Variants in SEC14L4 observed in about 807,000 individuals in gnomAD.
SEC14L4 encodes the protein SEC14-like protein 4.
SEC14L4 carries 42 observed loss-of-function variants against 55.1 expected under a neutral mutation model. The observed-to-expected ratio is 0.76, with a 90% CI of 0.60 to 0.99. SEC14L4 has a LOEUF of 0.99. Among genes scored for constraint, SEC14L4 ranks in the 50% least tolerant of loss-of-function variants. The pLI is 0.00. For synonymous variants in SEC14L4, 206 were observed against 206.8 expected (o/e 1.00, Z 0.03); for missense variants, 445 against 512.1 (o/e 0.87, Z 1.27).
Position 30,494,008 on chromosome 22 carries a change from A to C in SEC14L4, c.580+142T>G, listed in dbSNP as rs1441817625. ...GACAGAGGGAGACTCCATCTCAATA[A>C]CTAACTAACCAGAAACCAACCACAC... On this transcript the variant is annotated intron_variant, in intron 7 of 11. Coordinates refer to ENST00000255858, the MANE Select transcript of SEC14L4 (RefSeq NM_174977.4). The C allele has an allele frequency of 6.1e-6, 4 of 659,744 alleles. No individual in the cohort carries two copies. In the Admixed American group the frequency reaches 1.1e-4, roughly 18 times the overall value. 40.9% of individuals were successfully genotyped at this position (659,744 alleles called of 1,614,324 possible).
At chr22:30,494,092 C>A in intron 7 of SEC14L4, 58 bp downstream of exon 7, 1 of 1,294,608 alleles carries the variant, frequency 7.7e-7, no homozygotes, top group East Asian at 2.3e-5. Flanking sequence ...GGCTTACCTA[C>A]TGTACCCCCA....
intron 2 of SEC14L4, among the ~76,000 whole-genome samples, chr22:30,500,754 A>ATTTTTTTT (rs531954470): frequency 0.014 from 1,123 of 79,484 alleles, 145 homozygotes; most frequent in Non-Finnish European, 0.02. Flanking sequence ...TGAGAACAGA[A>ATTTTTTTT]TTTTTTTTTT....
Position 30,490,786 on chromosome 22 carries a change from G to A in SEC14L4, c.1082-540C>T, listed in dbSNP as rs189562782. On this transcript the variant is annotated intron_variant, in intron 11 of 11. Coordinates refer to ENST00000255858, the MANE Select transcript of SEC14L4 (RefSeq NM_174977.4). ...TGGAGAGGTGATATGATCTTTCAGC[G>A]GTCACAGAGCAAGGGAGGGGAGGTA... 2.5e-3 allele frequency among the ~76,000 whole-genome samples: 387 copies of A among 152,274 alleles called. 5 individuals are homozygous for A. Among genetic ancestry groups the A allele is most frequent in the African/African-American group, 8.7e-3 (362 of 41,556 alleles).
Position 30,502,195 on chromosome 22 carries a change from AACAG to A in SEC14L4, c.130+1478_130+1481del, listed in dbSNP as rs567760445. 4.1e-4 allele frequency among the ~76,000 whole-genome samples: 63 copies of A among 152,250 alleles called. 2 individuals carry two copies. In the South Asian group the frequency reaches 5.8e-3, roughly 14 times the overall value. On this transcript the variant is annotated intron_variant, in intron 2 of 11. Coordinates refer to ENST00000255858, the MANE Select transcript of SEC14L4 (RefSeq NM_174977.4). ...TATTGAAAAAAAACAAAAAAACAAA[AACAG>A]ACAGAACAAATCAGAGGAAGAATTA...
At chr22:30,494,536 G>A (rs1476677856) in intron 6 of SEC14L4, among the ~76,000 whole-genome samples, 1 of 152,070 alleles carries the variant, frequency 6.6e-6, no homozygotes, top group Non-Finnish European at 1.5e-5. Context: ...CTGGGCTAAT[G>A]TAAAAATTAT....
chr22:30,495,358 C>T lies in SEC14L4; in HGVS notation c.319G>A (p.Asp107Asn), dbSNP rs746628646. Reference sequence around the variant, plus strand: ...GCTGACAGCAGGAGACCCTTGGGGTCGAGGGACCCAATGATGTTGAAGTAC... The same window carrying T: ...GCTGACAGCAGGAGACCCTTGGGGTTGAGGGACCCAATGATGTTGAAGTAC... ...PVYFNIIGSL[D>N]PKGLLLSASK... is the part of the protein sequence containing the mutation. The change falls in exon 5 of 12, where the codon GAC (aspartate) becomes AAC (asparagine). Residue 107 changes from aspartate (D) to asparagine (N), a missense_variant. By Grantham distance (23) the Asp-to-Asn change is conservative. Coordinates refer to ENST00000255858, the MANE Select transcript of SEC14L4 (RefSeq NM_174977.4). The T allele has an allele frequency of 5.6e-6, 9 of 1,614,034 alleles. No individual in the cohort carries two copies. The highest frequency in any genetic ancestry group is 2.2e-5 in the South Asian group (2 of 91,044).
Position 30,495,625 on chromosome 22 carries a change from CT to C in SEC14L4, c.191del (p.Lys64SerfsTer57), listed in dbSNP as rs1936123456. The C allele has an allele frequency of 5.0e-6, 8 of 1,614,050 alleles. No homozygotes were observed. The highest frequency in any genetic ancestry group is 6.8e-6 in the Non-Finnish European group (8 of 1,180,034). ...TGACAATGTTGTCCAGGTCTTGTTG[CT>C]TCCGGAACTCCATGTGCTGCAGGAA... ...DMLRRHMEFRKQQDLDNIVTW... is the reference protein window; with the variant it reads ...DMLRRHMEFRXQQDLDNIVTW... On this transcript the variant is annotated frameshift_variant, in exon 4 of 12. Coordinates refer to ENST00000255858, the MANE Select transcript of SEC14L4 (RefSeq NM_174977.4). LOFTEE classifies it high-confidence loss of function.
At chr22:30,491,325 T>G in intron 11 of SEC14L4, 1 of 562,162 alleles carries the variant, frequency 1.8e-6, no homozygotes, top group Non-Finnish European at 3.2e-6. Flanking sequence ...CTTAGTCCAG[T>G]GATCCCGGTA....
intron 6 of SEC14L4, 60 bp downstream of exon 6, chr22:30,494,806 C>T: frequency 1.8e-6 from 2 of 1,122,906 alleles, no homozygotes; most frequent in Non-Finnish European, 2.7e-6. Flanking sequence ...CAATTCACAG[C>T]TAGGGCTCAC....
chr22:30,491,718 C>T lies in SEC14L4; in HGVS notation c.936G>A (p.Gly312=), dbSNP rs192252618. The part of the protein sequence containing the change: ...VLRWQFASDG[G]DIGFGVFLKT... ...TCAGGAAAACCCCAAAGCCGATGTCCCCACCATCTGAAGCAAACTGCCACC... is the reference window on the plus strand; with the variant it reads ...TCAGGAAAACCCCAAAGCCGATGTCTCCACCATCTGAAGCAAACTGCCACC... Residue 312 remains glycine, a synonymous_variant, in exon 11 of 12, where the codon GGG becomes GGA. Transcript: ENST00000255858. The T allele has an allele frequency of 5.0e-6, 8 of 1,614,154 alleles. No individual in the cohort carries two copies. The highest frequency in any genetic ancestry group is 2.7e-5 in the African/African-American group (2 of 75,044).
chr22:30,492,609 T>C, intron 7 of SEC14L4, 52 bp from the exon 8 acceptor site: 1 of 1,416,488 alleles, frequency 7.1e-7, no homozygotes, highest in Non-Finnish European at 1.0e-6. Flanking sequence ...GACGTGGGGA[T>C]ACAGAGCCAC....
At chr22:30,495,894 G>C (rs767873291) in intron 3 of SEC14L4, 34 bp downstream of exon 3, 1 of 1,609,466 alleles carries the variant, frequency 6.2e-7, no homozygotes, top group South Asian at 1.1e-5. Context: ...CACAGTGCAT[G>C]GAAGGCAGGG....
intron 1 of SEC14L4, 25 bp downstream of exon 1, chr22:30,505,533 C>T: frequency 6.4e-7 from 1 of 1,555,524 alleles, no homozygotes; most frequent in South Asian, 1.2e-5. Flanking sequence ...CCTCCTCAAG[C>T]CTCCCAGCCC....
At chr22:30,492,378 G>T in intron 8 of SEC14L4, 96 bp downstream of exon 8, 1 of 1,261,258 alleles carries the variant, frequency 7.9e-7, no homozygotes. Context: ...CAGGGGTAGT[G>T]CCCGAGTAGA....
chr22:30,505,527 C>T (rs747785405), intron 1 of SEC14L4, 31 bp downstream of exon 1: 23 of 1,552,844 alleles, frequency 1.5e-5, no homozygotes, highest in Middle Eastern at 3.3e-4. Flanking sequence ...AGGGCCCCTC[C>T]TCAAGCCTCC....
chr22:30,493,083 CAAAAAAAAA>C (rs10593638), intron 7 of SEC14L4, among the ~76,000 whole-genome samples: 1 of 80,454 alleles, frequency 1.2e-5, no homozygotes, highest in East Asian at 5.6e-4. Flanking sequence ...GATTCCATCT[CAAAAAAAAA>C]AAAAAAAAAG....
At chr22:30,493,873 G>A (rs561377195) in intron 7 of SEC14L4, among the ~76,000 whole-genome samples, 113 of 152,170 alleles carry the variant, frequency 7.4e-4, no homozygotes, top group Non-Finnish European at 1.5e-4. Flanking sequence ...GCATGGTGGC[G>A]TGCACCTGTA....
At position 30,501,846 on chromosome 22, in the gene SEC14L4, CATAT is replaced by C. The variant is rs3067218; in HGVS notation, c.130+1827_130+1830del. Among the ~76,000 whole-genome samples, 767 of 111,778 alleles carry C rather than the reference CATAT, an allele frequency of 6.9e-3. 15 individuals carry two copies. The highest frequency in any genetic ancestry group is 0.035 in the South Asian group (124 of 3,576). The allele number at this position is 111,778 out of a possible 152,430, so 73.3% of individuals were successfully genotyped here. A position where few individuals can be genotyped will look rare whatever the true frequency, so the allele number is the denominator to read the frequency against. On this transcript the variant is annotated intron_variant, in intron 2 of 11. Coordinates refer to ENST00000255858, the MANE Select transcript of SEC14L4 (RefSeq NM_174977.4). ...TTATATATATATACACACACACGCA[CATAT>C]ATATATATATATATATATATATATA...
At chr22:30,505,505 G>T in intron 1 of SEC14L4, 53 bp downstream of exon 1, 1 of 1,522,504 alleles carries the variant, frequency 6.6e-7, no homozygotes, top group Non-Finnish European at 8.9e-7. Context: ...GTTGGGCAGT[G>T]CCAGGCTGCT....
Sources: gnomAD v4.1 joint callset for allele counts (sites outside exome capture counted in the v4.1 genomes callset) on GRCh38, gnomAD v4.1.1 for gene constraint, MANE v1.5 for transcripts, NCBI Gene and HGNC (gene_info 2026-07-23, HGNC 2026-07-21) for gene names.